The following UBAC1 variants were observed in gnomAD, a reference collection of about 807,000 sequenced individuals.
UBAC1 encodes the protein ubiquitin-associated domain-containing protein 1.
In UBAC1, 27 loss-of-function variants were observed where a neutral mutation model predicts 45.9. The observed-to-expected ratio is 0.59, with a 90% CI of 0.43 to 0.81. The LOEUF (loss-of-function observed/expected upper bound fraction) is 0.81. UBAC1 is among the 30% of genes least tolerant of loss of function. The pLI, the probability that UBAC1 is intolerant of heterozygous loss-of-function variation, is 0.00. For synonymous variants in UBAC1, 227 were observed against 215.5 expected (o/e 1.05, Z -0.47); for missense variants, 529 against 539.2 (o/e 0.98, Z 0.19).
intron 4 of UBAC1, 108 bp from the exon 5 acceptor site, chr9:135,946,479 C>A: frequency 2.7e-6 from 2 of 752,244 alleles, no homozygotes; most frequent in South Asian, 1.5e-5. Flanking sequence ...GTTGAGATGA[C>A]ATTGCTTTCT....
intron 7 of UBAC1, among the ~76,000 whole-genome samples, chr9:135,944,544 G>C (rs1169429612): frequency 1.3e-5 from 2 of 152,224 alleles, no homozygotes; most frequent in African/African-American, 4.8e-5. Context: ...CACACACACA[G>C]GCGCAGGGAC....
At chr9:135,939,867 C>A in intron 7 of UBAC1, 108 bp from the exon 8 acceptor site, 1 of 856,350 alleles carries the variant, frequency 1.2e-6, no homozygotes, top group Non-Finnish European at 1.9e-6. Flanking sequence ...AGGGTGCTCC[C>A]AACAGCACTG....
chr9:135,945,591 G>A, intron 6 of UBAC1: 1 of 529,552 alleles, frequency 1.9e-6, no homozygotes, highest in Non-Finnish European at 3.4e-6. Flanking sequence ...ACAGAAGCAG[G>A]GCAAGTAACT....
chr9:135,951,979 C>T (rs556692396), intron 3 of UBAC1, among the ~76,000 whole-genome samples: 2 of 152,180 alleles, frequency 1.3e-5, no homozygotes, highest in Non-Finnish European at 2.9e-5. Flanking sequence ...TATGGTCAGA[C>T]CCCGCTGTTT....
intron 6 of UBAC1, 55 bp downstream of exon 6, chr9:135,945,834 A>C: frequency 6.7e-7 from 1 of 1,502,040 alleles, no homozygotes; most frequent in Non-Finnish European, 9.2e-7. Context: ...TGGGAGCCCC[A>C]CAAAACCAGG....
chr9:135,948,048 G>T (rs1839359762), intron 3 of UBAC1, 143 bp from the exon 4 acceptor site: 2 of 687,400 alleles, frequency 2.9e-6, no homozygotes, highest in East Asian at 2.7e-5. Flanking sequence ...TGAGCTGGGG[G>T]AGCCTGGAGA....
At chr9:135,943,768 C>A (rs1407975618) in intron 7 of UBAC1, among the ~76,000 whole-genome samples, 1 of 152,210 alleles carries the variant, frequency 6.6e-6, no homozygotes, top group Non-Finnish European at 1.5e-5. Flanking sequence ...GGGATATATA[C>A]ACCATGGAAT....
At chr9:135,936,855 A>G (rs1456469838) in intron 9 of UBAC1, among the ~76,000 whole-genome samples, 1 of 152,190 alleles carries the variant, frequency 6.6e-6, no homozygotes. Flanking sequence ...AAGGACATCA[A>G]AACACGGGAT....
intron 1 of UBAC1, among the ~76,000 whole-genome samples, chr9:135,958,337 G>A (rs185654695): frequency 1.1e-3 from 165 of 152,262 alleles, no homozygotes; most frequent in African/African-American, 3.9e-3. Flanking sequence ...ATGAGCCACC[G>A]TGCTCAGCCA....
intron 4 of UBAC1, among the ~76,000 whole-genome samples, chr9:135,946,902 A>C (rs1437706942): frequency 2.0e-5 from 3 of 152,192 alleles, no homozygotes; most frequent in African/African-American, 4.8e-5. Context: ...CTACTCTCAC[A>C]CAAGTGTGAG....
At chr9:135,941,463 C>T (rs2131083753) in intron 7 of UBAC1, among the ~76,000 whole-genome samples, 1 of 152,280 alleles carries the variant, frequency 6.6e-6, no homozygotes, top group East Asian at 1.9e-4. Flanking sequence ...CCTTCCTGAG[C>T]CACACCCTAA....
intron 9 of UBAC1, among the ~76,000 whole-genome samples, chr9:135,937,186 G>A (rs1839211131): frequency 6.6e-6 from 1 of 152,138 alleles, no homozygotes; most frequent in African/African-American, 2.4e-5. Flanking sequence ...CAACAGGTCT[G>A]TAATCCCAGC....
At chr9:135,956,679 G>A (rs187863983) in intron 1 of UBAC1, among the ~76,000 whole-genome samples, 121 of 152,298 alleles carry the variant, frequency 7.9e-4, no homozygotes, top group Non-Finnish European at 1.4e-3. Context: ...AGCCGGAATC[G>A]TGGGGTGAGA....
chr9:135,946,520 G>A (rs2131087674), intron 4 of UBAC1, 149 bp from the exon 5 acceptor site: 2 of 641,148 alleles, frequency 3.1e-6, no homozygotes. Flanking sequence ...TGAGGGCAAG[G>A]CAGGGGATTG....
chr9:135,946,775 A>G (rs1839342521), intron 4 of UBAC1, among the ~76,000 whole-genome samples: 1 of 152,230 alleles, frequency 6.6e-6, no homozygotes, highest in South Asian at 2.1e-4. Context: ...GCTGCCACAC[A>G]GCGTCTGCGG....
At chr9:135,955,524 G>A (rs751850591) in intron 1 of UBAC1, 109 bp from the exon 2 acceptor site, 6 of 1,188,350 alleles carry the variant, frequency 5.0e-6, no homozygotes, top group Non-Finnish European at 6.9e-6. Context: ...TTTCTTATGA[G>A]CTAAGAAATT....
intron 7 of UBAC1, among the ~76,000 whole-genome samples, chr9:135,940,474 G>A (rs1196729804): frequency 6.6e-6 from 1 of 151,674 alleles, no homozygotes; most frequent in East Asian, 1.9e-4. Flanking sequence ...CAGCTACTCG[G>A]GAGGCTGAGG....
rs377025666 is a variant in UBAC1 at position 135,956,723 on chromosome 9, A to T, written c.139-1308T>A. 5.3e-5 allele frequency among the ~76,000 whole-genome samples: 8 copies of T among 152,332 alleles called. No homozygotes were observed. In the East Asian group the frequency reaches 7.7e-4, roughly 15 times the overall value. On this transcript the variant is annotated intron_variant, in intron 1 of 9. Transcript: ENST00000371756. The stretch of plus-strand genomic sequence containing the variant: ...GCTGCACTTCTGTGTTTCACAAAAT[A>T]CCCACAGTTTCCATAGCCTGGCCTG...
intron 2 of UBAC1, 79 bp downstream of exon 2, chr9:135,955,216 G>A (rs767092892): frequency 4.8e-5 from 67 of 1,393,798 alleles, no homozygotes; most frequent in Non-Finnish European, 6.1e-5. Context: ...TCCTGTGGGT[G>A]GACCACCCCC....
Sources: allele counts gnomAD v4.1 joint callset (sites outside exome capture counted in the v4.1 genomes callset), GRCh38; gene constraint gnomAD v4.1.1; transcripts MANE v1.5; gene names NCBI Gene and HGNC (gene_info 2026-07-23, HGNC 2026-07-21).